Variants in TYRP1 observed in about 807,000 individuals in gnomAD.
The protein encoded by TYRP1 is 5,6-dihydroxyindole-2-carboxylic acid oxidase.
Under a neutral mutation model 42.8 loss-of-function variants are expected in TYRP1, and 49 were observed. The observed-to-expected ratio is 1.14, with a 90% CI of 0.91 to 1.45. TYRP1 has a LOEUF of 1.45. Among genes scored for constraint, TYRP1 ranks in the 40% most tolerant of loss-of-function variants. The pLI is 0.00. For missense variants in TYRP1, 848 were observed against 662.0 expected (o/e 1.28, Z -3.08); for synonymous variants, 279 against 235.4 (o/e 1.19, Z -1.69).
intron 3 of TYRP1, among the ~76,000 whole-genome samples, 160 bp downstream of exon 3, chr9:12,695,997 G>T (rs1189182061): frequency 6.6e-6 from 1 of 151,966 alleles, no homozygotes; most frequent in African/African-American, 2.4e-5. Flanking sequence ...TCCTTATTTT[G>T]GTTACTTGTT....
chr9:12,699,757 A>G (rs1348837138), intron 4 of TYRP1, among the ~76,000 whole-genome samples: 1 of 152,040 alleles, frequency 6.6e-6, no homozygotes, highest in African/African-American at 2.4e-5. Flanking sequence ...GAGGATCAGG[A>G]TGTCTGCAGA....
intron 6 of TYRP1, 55 bp from the exon 7 acceptor site, chr9:12,707,942 A>T: frequency 6.6e-7 from 1 of 1,521,024 alleles, no homozygotes; most frequent in African/African-American, 1.4e-5. Context: ...CTCAATAATG[A>T]TAGGAATATT....
Position 12,708,071 on chromosome 9 carries a change from C to A in TYRP1, c.1336C>A (p.Pro446Thr), listed in dbSNP as rs933714067. 1 of 1,612,806 alleles carries A rather than the reference C, an allele frequency of 6.2e-7. No individual in the cohort carries two copies. ...ATACAACATGGTGCCATTCTGGCCC[C>A]CAGTCACCAACACAGAAATGTTTGT... ...RQYNMVPFWP[P>T]VTNTEMFVTA... Residue 446 changes from proline to threonine, a missense_variant, in exon 7 of 8, where the codon CCA becomes ACA. Pro to Thr is a conservative substitution (Grantham distance 38). Transcript: ENST00000388918.
At chr9:12,708,560 A>C (rs1405413240) in intron 7 of TYRP1, among the ~76,000 whole-genome samples, 2 of 151,980 alleles carry the variant, frequency 1.3e-5, no homozygotes, top group East Asian at 1.9e-4. Context: ...AGGAAAAGGG[A>C]GTGAGATACT....
chr9:12,701,246 G>C (rs2118243594), intron 4 of TYRP1, among the ~76,000 whole-genome samples: 1 of 151,728 alleles, frequency 6.6e-6, no homozygotes, highest in Admixed American at 6.6e-5. Context: ...CTCTGGTCTA[G>C]CTTCTTTTCT....
At chr9:12,707,861 A>T (rs10809828) in intron 6 of TYRP1, 136 bp from the exon 7 acceptor site, 2 of 799,762 alleles carry the variant, frequency 2.5e-6, no homozygotes, top group Non-Finnish European at 3.9e-6. Flanking sequence ...GTGAAACTTC[A>T]TATCTTTATT....
chr9:12,695,413 G>A lies in TYRP1; in HGVS notation c.386-102G>A. 3 of 1,055,708 alleles carry A rather than the reference G, an allele frequency of 2.8e-6. No homozygotes were observed. In the South Asian group the frequency reaches 4.0e-5, roughly 14 times the overall value. 65.4% of individuals were successfully genotyped at this position (1,055,708 alleles called of 1,614,324 possible). A position where few individuals can be genotyped will look rare whatever the true frequency, so the allele number is the denominator to read the frequency against. On this transcript the variant is annotated intron_variant, in intron 2 of 7. Coordinates refer to ENST00000388918, the MANE Select transcript of TYRP1 (RefSeq NM_000550.3). ...AAATAATTTAAAACACATTTGAACA[G>A]ATGGATAAATGGGTCGTGGTGTGTT...
In TYRP1 at chr9:12,709,247, T is replaced by A. The variant is rs878881586; in HGVS notation, c.*65T>A. ...ACCTGGTTGAATATAATAGATTGAGTTATTAACTGTATTTTCTTTCACTTT... is the reference window on the plus strand; with the variant it reads ...ACCTGGTTGAATATAATAGATTGAGATATTAACTGTATTTTCTTTCACTTT... On this transcript the variant is annotated 3_prime_UTR_variant, in exon 8 of 8. Transcript: ENST00000388918. 96 of 1,443,582 alleles carry A rather than the reference T, an allele frequency of 6.7e-5. No individual in the cohort carries two copies. The highest frequency in any genetic ancestry group is 6.4e-4 in the South Asian group (56 of 87,268). The allele number at this position is 1,443,582 out of a possible 1,614,324, so 89.4% of individuals were successfully genotyped here. A position where few individuals can be genotyped will look rare whatever the true frequency, so the allele number is the denominator to read the frequency against.
At position 12,698,650 on chromosome 9, in the gene TYRP1, G is replaced by A. The variant is rs1455244990; in HGVS notation, c.908G>A (p.Cys303Tyr). 6.2e-7 allele frequency: 1 copy of A among 1,613,184 alleles called. No homozygotes were observed. Among genetic ancestry groups the A allele is most frequent in the African/African-American group, 1.3e-5 (1 of 75,028 alleles). ...LEDYDTLGTL[C>Y]NSTEDGPIRR... Reference sequence around the variant, plus strand: ...GATTATGATACCCTGGGAACACTTTGTAACAGTAAGTTCCAAATGATAGCT... The same window carrying A: ...GATTATGATACCCTGGGAACACTTTATAACAGTAAGTTCCAAATGATAGCT... The change falls in exon 4 of 8, where the codon TGT becomes TAT. Residue 303 changes from cysteine (C) to tyrosine (Y), a missense_variant. Transcript: ENST00000388918.
chr9:12,704,335 C>G (rs1395014000), intron 5 of TYRP1, among the ~76,000 whole-genome samples, 191 bp from the exon 6 acceptor site: 2 of 151,936 alleles, frequency 1.3e-5, no homozygotes, highest in Admixed American at 1.3e-4. Flanking sequence ...TAGCATAAAA[C>G]CAGCCTAGCT....
intron 5 of TYRP1, 52 bp downstream of exon 5, chr9:12,702,490 G>C: frequency 3.8e-6 from 6 of 1,575,014 alleles, no homozygotes; most frequent in Non-Finnish European, 5.2e-6. Flanking sequence ...AGAGAAAACT[G>C]AATTATTCAA....
chr9:12,709,018 G>A lies in TYRP1; in HGVS notation c.1450G>A (p.Val484Ile), dbSNP rs768078441. Residue 484 changes from valine (V) to isoleucine (I), a missense_variant, in exon 8 of 8, where the codon GTT (valine) becomes ATT (isoleucine). Coordinates refer to ENST00000388918, the MANE Select transcript of TYRP1 (RefSeq NM_000550.3). ...ACCTGAGATAATTGCCATAGCAGTA[G>A]TTGGCGCTTTGTTACTGGTTGCACT... ...SVPEIIAIAV[V>I]GALLLVALIF... 1 of 1,612,740 alleles carries A rather than the reference G, an allele frequency of 6.2e-7. No homozygotes were observed. Among genetic ancestry groups the A allele is most frequent in the Non-Finnish European group, 8.5e-7 (1 of 1,179,208 alleles).
intron 6 of TYRP1, among the ~76,000 whole-genome samples, chr9:12,707,017 G>A (rs1419826374): frequency 1.3e-5 from 2 of 151,934 alleles, no homozygotes; most frequent in African/African-American, 4.8e-5. Flanking sequence ...CATTAGACAT[G>A]AAATAGTACA....
rs890305885 is a variant in TYRP1, at chr9:12,709,074, T to C, written c.1506T>C (p.Arg502=). 11 of 1,612,768 alleles carry C rather than the reference T, an allele frequency of 6.8e-6. No homozygotes were observed. The African/African-American group carries it at 1.3e-4, about 20-fold the overall frequency. ...LIFGTASYLI[R]ARRSMDEANQ... is the part of the protein sequence containing the mutation. ...TTGGGACTGCTTCTTATCTGATTCG[T>C]GCCAGACGCAGTATGGATGAAGCTA... Residue 502 remains arginine (R), a synonymous_variant, in exon 8 of 8, where the codon CGT becomes CGC. Transcript: ENST00000388918.
In TYRP1 at chr9:12,694,212, C is replaced by G; in HGVS notation, c.216C>G (p.Ser72=). 6.2e-7 allele frequency: 1 copy of G among 1,613,790 alleles called. No homozygotes were observed. The highest frequency in any genetic ancestry group is 8.5e-7 in the Non-Finnish European group (1 of 1,179,894). ...RGRCEAVTAD[S]RPHSPQYPHD... Reference sequence around the variant, plus strand: ...GATGTGAGGCAGTGACTGCAGACTCCCGGCCCCACAGCCCTCAGTATCCCC... The same window carrying G: ...GATGTGAGGCAGTGACTGCAGACTCGCGGCCCCACAGCCCTCAGTATCCCC... Residue 72 remains serine (S), a synonymous_variant, in exon 2 of 8, where the codon TCC becomes TCG. Coordinates refer to ENST00000388918, the MANE Select transcript of TYRP1 (RefSeq NM_000550.3).
In TYRP1 at chr9:12,708,128, G is replaced by A. The variant is rs373409941; in HGVS notation, c.1393G>A (p.Glu465Lys). ...TCCAGACAACCTGGGATACACTTAT[G>A]AAATTCAATGGCCAAGTGAGTGTTG... ...TAPDNLGYTY[E>K]IQWPSREFSV... The change falls in exon 7 of 8, where the codon GAA (glutamate) becomes AAA (lysine). Residue 465 changes from glutamate (E) to lysine (K), a missense_variant. Coordinates refer to ENST00000388918, the MANE Select transcript of TYRP1 (RefSeq NM_000550.3). The A allele has an allele frequency of 6.2e-7, 1 of 1,612,670 alleles. No homozygotes were observed. The highest frequency in any genetic ancestry group is 8.5e-7 in the Non-Finnish European group (1 of 1,179,212).
In TYRP1 at chr9:12,694,373, T is replaced by TTC; in HGVS notation, c.380_381dup (p.Ile128SerfsTer2). 6.2e-7 allele frequency: 1 copy of TTC among 1,613,908 alleles called. No homozygotes were observed. Among genetic ancestry groups the TTC allele is most frequent in the East Asian group, 2.2e-5 (1 of 44,850 alleles). On this transcript the variant is annotated frameshift_variant, in exon 2 of 8. Transcript: ENST00000388918. LOFTEE classifies it high-confidence loss of function. ...AGAGGAGCTGCCTGTGACCAGAGGG[T>TTC]TCTCATAGGTAAGTGGAGATATGAA...
chr9:12,694,728 G>T (rs566471828), intron 2 of TYRP1, among the ~76,000 whole-genome samples: 5 of 152,136 alleles, frequency 3.3e-5, no homozygotes, highest in African/African-American at 4.8e-5. Flanking sequence ...ATCCACACAG[G>T]TGATATTTAG....
At chr9:12,701,007 T>C (rs911991020) in intron 4 of TYRP1, among the ~76,000 whole-genome samples, 2 of 152,040 alleles carry the variant, frequency 1.3e-5, no homozygotes, top group Admixed American at 6.6e-5. Context: ...GGAAAAGGAA[T>C]ATGAGTTGAA....
Sources: allele counts gnomAD v4.1 joint callset (sites outside exome capture counted in the v4.1 genomes callset), GRCh38; gene constraint gnomAD v4.1.1; transcripts MANE v1.5; gene names NCBI Gene and HGNC (gene_info 2026-07-23, HGNC 2026-07-21).